LRRC8C: variants seen among roughly 807,000 people sequenced by gnomAD.
The protein encoded by LRRC8C is volume-regulated anion channel subunit LRRC8C.
LRRC8C carries 20 observed loss-of-function variants against 55.3 expected under a neutral mutation model. The observed-to-expected ratio is 0.36, with a 90% confidence interval of 0.25 to 0.53. The LOEUF (loss-of-function observed/expected upper bound fraction) is 0.53, where lower values mean the gene tolerates loss of function less well. Ranked by LOEUF, LRRC8C falls within the 20% of genes least tolerant of loss-of-function variation. The pLI, the probability that LRRC8C is intolerant of heterozygous loss-of-function variation, is 0.92. For synonymous variants in LRRC8C, 376 were observed against 360.7 expected (o/e 1.04, Z -0.48); for missense variants, 659 against 951.4 (o/e 0.69, Z 4.04).
chr1:89,662,582 A>C (rs1044746863), intron 1 of LRRC8C, among the ~76,000 whole-genome samples: 7 of 152,150 alleles, frequency 4.6e-5, no homozygotes, highest in African/African-American at 1.7e-4. Flanking sequence ...GGATCGGGGT[A>C]GCAGCTAAGA....
intron 1 of LRRC8C, among the ~76,000 whole-genome samples, chr1:89,645,341 G>T (rs1006719951): frequency 2.0e-5 from 3 of 151,698 alleles, no homozygotes; most frequent in Non-Finnish European, 2.9e-5. Flanking sequence ...GAGAGAAAAT[G>T]ATTGAAAAAA....
At chr1:89,623,133 A>G in the LRRC8C span, among the ~76,000 whole-genome samples, 2 of 139,734 alleles carry the variant, frequency 1.4e-5, no homozygotes, top group East Asian at 4.4e-4. Context: ...TTTGGAAGCT[A>G]TCAACGCAAC....
intron 1 of LRRC8C, among the ~76,000 whole-genome samples, chr1:89,660,376 T>TAAAAC (rs915794805): frequency 3.3e-5 from 5 of 152,102 alleles, no homozygotes; most frequent in Non-Finnish European, 4.4e-5. Flanking sequence ...TGAGGACCTC[T>TAAAAC]AAAACAAAAC....
intron 1 of LRRC8C, among the ~76,000 whole-genome samples, chr1:89,665,280 T>C (rs1242471985): frequency 6.6e-6 from 1 of 152,206 alleles, no homozygotes; most frequent in Non-Finnish European, 1.5e-5. Flanking sequence ...CATAAATAGC[T>C]CTTATTATTT....
chr1:89,680,258 T>C (rs968799357), intron 1 of LRRC8C, among the ~76,000 whole-genome samples: 20 of 152,046 alleles, frequency 1.3e-4, no homozygotes, highest in African/African-American at 4.8e-4. Context: ...TTTGTATTTT[T>C]AGTAGAGACG....
chr1:89,657,645 G>T lies in LRRC8C; in HGVS notation c.-5+24323G>T, dbSNP rs147380352. 8.9e-3 allele frequency among the ~76,000 whole-genome samples: 1,350 copies of T among 151,530 alleles called. 29 individuals are homozygous for T. The highest frequency in any genetic ancestry group is 0.031 in the African/African-American group (1,292 of 41,298). Reference sequence around the variant, plus strand: ...AGTCCCAGCTACTTGGGAGACTGAGGCAGGAGAATTGCTCGAACCCGGGAG... The same window carrying T: ...AGTCCCAGCTACTTGGGAGACTGAGTCAGGAGAATTGCTCGAACCCGGGAG... On this transcript the variant is annotated intron_variant, in intron 1 of 2. Coordinates refer to ENST00000370454, the MANE Select transcript of LRRC8C (RefSeq NM_032270.5).
chr1:89,708,112 T>C (rs1291822923), intron 2 of LRRC8C, among the ~76,000 whole-genome samples: 1 of 151,866 alleles, frequency 6.6e-6, no homozygotes, highest in Non-Finnish European at 1.5e-5. Flanking sequence ...TTCTTCCCCC[T>C]TTTTCTCTCC....
Position 89,717,243 on chromosome 1 carries a change from A to G in LRRC8C, c.*2261A>G, listed in dbSNP as rs977360883. 1.3e-5 allele frequency: 2 copies of G among 152,140 alleles called. No individual in the cohort carries two copies. The highest frequency in any genetic ancestry group is 6.5e-5 in the Admixed American group (1 of 15,274). The allele number at this position is 152,140 out of a possible 1,614,324, so 9.4% of individuals were successfully genotyped here. On this transcript the variant is annotated 3_prime_UTR_variant, in exon 3 of 3. Transcript: ENST00000370454. The stretch of plus-strand genomic sequence containing the variant: ...AAGCTTAGGTAACTGCTGGCAAAAC[A>G]CTGGGTGCACTATTTTTCTGGATAA...
intron 1 of LRRC8C, among the ~76,000 whole-genome samples, chr1:89,649,828 C>T (rs778066691): frequency 1.3e-5 from 2 of 152,196 alleles, no homozygotes; most frequent in African/African-American, 2.4e-5. Flanking sequence ...TTTCCTTTAA[C>T]TCTTTCTTAT....
At chr1:89,626,044 A>G in the LRRC8C span, among the ~76,000 whole-genome samples, 1 of 152,232 alleles carries the variant, frequency 6.6e-6, no homozygotes, top group Non-Finnish European at 1.5e-5. Flanking sequence ...AGAATAACTC[A>G]CTTCATGGGT....
intron 2 of LRRC8C, among the ~76,000 whole-genome samples, chr1:89,690,264 CTTG>C (rs1657992689): frequency 6.6e-6 from 1 of 152,046 alleles, no homozygotes. Context: ...TGCCTTATGG[CTTG>C]TTGTTTCTCT....
chr1:89,624,683 T>A, the LRRC8C span, among the ~76,000 whole-genome samples: 1 of 152,198 alleles, frequency 6.6e-6, no homozygotes, highest in East Asian at 1.9e-4. Flanking sequence ...AGCCCACAAT[T>A]CCCTTCTCTT....
chr1:89,682,163 C>T (rs190829397), intron 1 of LRRC8C, among the ~76,000 whole-genome samples: 14 of 152,130 alleles, frequency 9.2e-5, no homozygotes, highest in Admixed American at 4.6e-4. Context: ...GGCGACAGAG[C>T]GAGACTCTGT....
intron 1 of LRRC8C, among the ~76,000 whole-genome samples, chr1:89,654,224 A>G (rs547137667): frequency 1.3e-5 from 2 of 152,282 alleles, no homozygotes; most frequent in Admixed American, 6.5e-5. Context: ...ATGTGAACAC[A>G]TGGACATAGA....
At chr1:89,699,266 T>C (rs1253124389) in intron 2 of LRRC8C, among the ~76,000 whole-genome samples, 1 of 152,210 alleles carries the variant, frequency 6.6e-6, no homozygotes, top group African/African-American at 2.4e-5. Context: ...AGAAGACTTT[T>C]AGGGCAGTGA....
chr1:89,640,388 T>C (rs1041406693), intron 1 of LRRC8C, among the ~76,000 whole-genome samples: 2 of 152,200 alleles, frequency 1.3e-5, no homozygotes, highest in African/African-American at 4.8e-5. Context: ...TAAGAACTTA[T>C]CAAAATCAAC....
At position 89,700,456 on chromosome 1, in the gene LRRC8C, G is replaced by A. The variant is rs112855839; in HGVS notation, c.139-12253G>A. 5.5e-3 allele frequency among the ~76,000 whole-genome samples: 836 copies of A among 152,228 alleles called. 10 individuals are homozygous for A. Among genetic ancestry groups the A allele is most frequent in the African/African-American group, 0.019 (792 of 41,526 alleles). ...ATGACGCTTAGCATGTATTACGTTG[G>A]CACAAAACTAATTGTGTTTTTTGCC... is the stretch of plus-strand genomic sequence containing the variant. On this transcript the variant is annotated intron_variant, in intron 2 of 2. Coordinates refer to ENST00000370454, the MANE Select transcript of LRRC8C (RefSeq NM_032270.5).
At chr1:89,674,234 G>A (rs1657495218) in intron 1 of LRRC8C, among the ~76,000 whole-genome samples, 1 of 152,126 alleles carries the variant, frequency 6.6e-6, no homozygotes, top group African/African-American at 2.4e-5. Context: ...TCGTATAGAT[G>A]TTCGGCACAA....
Position 89,715,026 on chromosome 1 carries a change from T to A in LRRC8C, c.*44T>A, listed in dbSNP as rs1240586382. 2.1e-6 allele frequency: 3 copies of A among 1,405,464 alleles called. 1 individual carries two copies. In the South Asian group the frequency reaches 4.3e-5, roughly 20 times the overall value. 87.1% of individuals were successfully genotyped at this position (1,405,464 alleles called of 1,614,324 possible). ...TTGACTGAAACACGCTTCTACCAAA[T>A]ACAGTATAAATAATTAGGTAGTCTT... On this transcript the variant is annotated 3_prime_UTR_variant, in exon 3 of 3. Coordinates refer to ENST00000370454, the MANE Select transcript of LRRC8C (RefSeq NM_032270.5).
Sources: allele counts gnomAD v4.1 joint callset (sites outside exome capture counted in the v4.1 genomes callset), GRCh38; gene constraint gnomAD v4.1.1; transcripts MANE v1.5; gene names NCBI Gene and HGNC (gene_info 2026-07-23, HGNC 2026-07-21).